The following KCNH4 variants were observed in gnomAD, a reference collection of about 807,000 sequenced individuals.
KCNH4 encodes the protein potassium voltage-gated channel subfamily H member 4.
In KCNH4, 33 loss-of-function variants were observed where a neutral mutation model predicts 90.7. The observed-to-expected ratio is 0.36, with a 90% CI of 0.28 to 0.49. KCNH4 has a LOEUF of 0.49. KCNH4 is among the 20% of genes least tolerant of loss of function. The probability of loss-of-function intolerance (pLI) is 0.98; values close to 1 mark genes in which losing one functional copy is unlikely to be tolerated. For missense variants in KCNH4, 1,044 were observed against 1,387.1 expected, an observed-to-expected ratio of 0.75 and a Z score of 3.93; for synonymous variants, 551 against 581.7, an observed-to-expected ratio of 0.95 and a Z score of 0.76.
intron 16 of KCNH4, among the ~76,000 whole-genome samples, chr17:42,158,692 G>A (rs560046450): frequency 7.2e-4 from 108 of 150,492 alleles, no homozygotes; most frequent in Non-Finnish European, 1.1e-3. Flanking sequence ...AAAATTAGCC[G>A]GGTGTGGTGG....
At chr17:42,164,078 A>C in intron 12 of KCNH4, 52 bp downstream of exon 12, 1 of 1,538,676 alleles carries the variant, frequency 6.5e-7, no homozygotes, top group Non-Finnish European at 8.8e-7. Flanking sequence ...GCTGCTACCC[A>C]TCTCACCCTC....
chr17:42,164,315 C>A, intron 11 of KCNH4, 147 bp from the exon 12 acceptor site: 1 of 684,002 alleles, frequency 1.5e-6, no homozygotes, highest in Non-Finnish European at 2.4e-6. Flanking sequence ...CTAACTCAAA[C>A]AAACACTGCA....
Position 42,178,146 on chromosome 17 carries a change from G to A in KCNH4, c.539C>T (p.Thr180Ile). 6.2e-7 allele frequency: 1 copy of A among 1,614,194 alleles called. No homozygotes were observed. Among genetic ancestry groups the A allele is most frequent in the Non-Finnish European group, 8.5e-7 (1 of 1,180,024 alleles). The change falls in exon 4 of 17, where the codon ACC becomes ATC. Residue 180 changes from threonine to isoleucine, a missense_variant. By Grantham distance (89) the Thr-to-Ile change is moderately conservative. Around this residue, in one of 4 missense-constraint regions of KCNH4, gnomAD observed 283 missense variants for 378.6 expected, o/e 0.75. Coordinates refer to ENST00000264661, the MANE Select transcript of KCNH4 (RefSeq NM_012285.3). ...CTGGCCCCGGCGGCCAAAGTGGCCG[G>A]TCAGTCGGTGTAGGACAGTACGGCT... ...RRSRTVLHRL[T>I]GHFGRRGQGG... is the part of the protein sequence containing the mutation.
chr17:42,167,391 C>T (rs1310107888), intron 9 of KCNH4, among the ~76,000 whole-genome samples: 1 of 152,140 alleles, frequency 6.6e-6, no homozygotes, highest in Non-Finnish European at 1.5e-5. Flanking sequence ...CTCAGCCTCC[C>T]GAGTAGGTGG....
At chr17:42,179,135 C>G in intron 1 of KCNH4, 109 bp from the exon 2 acceptor site, 1 of 726,518 alleles carries the variant, frequency 1.4e-6, no homozygotes. Context: ...CCAGAAGCTT[C>G]CCAGGTTTCC....
In KCNH4 at chr17:42,171,967, A is replaced by G. The variant is rs2079830510; in HGVS notation, c.1016T>C (p.Val339Ala). Residue 339 changes from valine (V) to alanine (A), a missense_variant, in exon 7 of 17, where the codon GTG becomes GCG. Val to Ala is a moderately conservative substitution (Grantham distance 64, BLOSUM62 0). Around this residue, in one of 4 missense-constraint regions of KCNH4, gnomAD observed 318 missense variants for 479.6 expected, o/e 0.66. Coordinates refer to ENST00000264661, the MANE Select transcript of KCNH4 (RefSeq NM_012285.3). ...CAGCCGCAGCAGCCGCAACAGCCGC[A>G]CTGTCTTCAGTAGGTGCACCAGCGA... ...VTSLVHLLKT[V>A]RLLRLLRLLQ... 6.2e-7 allele frequency: 1 copy of G among 1,609,316 alleles called. No individual in the cohort carries two copies.
intron 16 of KCNH4, among the ~76,000 whole-genome samples, chr17:42,157,554 C>G (rs1004157601): frequency 5.9e-5 from 9 of 152,190 alleles, no homozygotes; most frequent in African/African-American, 2.2e-4. Flanking sequence ...CAGCTGATTG[C>G]CAGTTATTGC....
chr17:42,160,464 A>G (rs780166365), intron 15 of KCNH4, 29 bp from the exon 16 acceptor site: 2 of 1,549,972 alleles, frequency 1.3e-6, no homozygotes, highest in Middle Eastern at 1.7e-4. Flanking sequence ...GTTGTTTCAC[A>G]GGTGCCACAG....
chr17:42,167,126 T>C (rs1347490866), intron 9 of KCNH4, among the ~76,000 whole-genome samples: 3 of 152,060 alleles, frequency 2.0e-5, no homozygotes, highest in African/African-American at 7.2e-5. Context: ...GCTTACTTCC[T>C]CATTTCCTCT....
Position 42,178,116 on chromosome 17 carries a change from C to T in KCNH4, c.569G>A (p.Gly190Asp), listed in dbSNP as rs768120773. ...GGGACTCACATTATTGGCCTTCATG[C>T]CTCCCTGGCCCCGGCGGCCAAAGTG... is the stretch of plus-strand genomic sequence containing the variant. ...TGHFGRRGQG[G>D]MKANNNVFEP... is the part of the protein sequence containing the mutation. The change falls in exon 4 of 17, where the codon GGC (glycine) becomes GAC (aspartate). Residue 190 changes from glycine (G) to aspartate (D), a missense_variant. By Grantham distance (94) the Gly-to-Asp change is moderately conservative (BLOSUM62 -1). Transcript: ENST00000264661. The T allele has an allele frequency of 1.2e-6, 2 of 1,613,940 alleles. No homozygotes were observed. The highest frequency in any genetic ancestry group is 4.5e-5 in the East Asian group (2 of 44,880).
At position 42,170,168 on chromosome 17, in the gene KCNH4, G is replaced by A; in HGVS notation, c.1329C>T (p.Gly443=). 1 of 1,613,646 alleles carries A rather than the reference G, an allele frequency of 6.2e-7. No individual in the cohort carries two copies. The highest frequency in any genetic ancestry group is 8.5e-7 in the Non-Finnish European group (1 of 1,179,974). ...CCGCGTCGGTGTTGGCACACACGTT[G>A]CCAAAGCCCACACTGGTGAGGCTGC... ...TLSSLTSVGF[G]NVCANTDAEK... Residue 443 remains glycine, a synonymous_variant, in exon 8 of 17, where the codon GGC becomes GGT. Coordinates refer to ENST00000264661, the MANE Select transcript of KCNH4 (RefSeq NM_012285.3).
chr17:42,177,493 C>T (rs2079870571), intron 4 of KCNH4, among the ~76,000 whole-genome samples: 1 of 152,174 alleles, frequency 6.6e-6, no homozygotes, highest in African/African-American at 2.4e-5. Flanking sequence ...GCCACTGTGC[C>T]TGGCCCAACA....
rs573694474 is a variant in KCNH4 at position 42,158,485 on chromosome 17, T to C, written c.*309+1246A>G. On this transcript the variant is annotated intron_variant, in intron 16 of 16. Transcript: ENST00000264661. ...GGCGGAGTTTGCAGTGAGCCGAGAT[T>C]GCACCACTGCACTCCAGCCTGGGCG... Among the ~76,000 whole-genome samples the C allele has an allele frequency of 3.8e-3, 566 of 147,264 alleles. 6 individuals carry two copies. Among genetic ancestry groups the C allele is most frequent in the African/African-American group, 0.013 (534 of 39,762 alleles).
At chr17:42,165,745 A>G in intron 10 of KCNH4, 52 bp from the exon 11 acceptor site, 2 of 1,607,808 alleles carry the variant, frequency 1.2e-6, no homozygotes, top group Non-Finnish European at 1.7e-6. Flanking sequence ...ACGAAAGGAT[A>G]TCAGCTGGAG....
intron 10 of KCNH4, 147 bp downstream of exon 10, chr17:42,166,150 A>T: frequency 1.0e-6 from 1 of 998,400 alleles, no homozygotes; most frequent in Non-Finnish European, 1.4e-6. Context: ...CGTAGGGCGG[A>T]GGGACCGAGA....
chr17:42,162,861 G>A lies in KCNH4; in HGVS notation c.2584+367C>T, dbSNP rs1019302042. Among the ~76,000 whole-genome samples, 12 of 152,196 alleles carry A rather than the reference G, an allele frequency of 7.9e-5. No homozygotes were observed. In the East Asian group the frequency reaches 1.7e-3, roughly 22 times the overall value. On this transcript the variant is annotated intron_variant, in intron 14 of 16. Coordinates refer to ENST00000264661, the MANE Select transcript of KCNH4 (RefSeq NM_012285.3). ...ACCCTCATCAGCCTCCCAAAGTACT[G>A]GGATTACAGGCATGAACCACCATGC... is the stretch of plus-strand genomic sequence containing the variant.
At chr17:42,172,607 C>A (rs1213983278) in intron 6 of KCNH4, among the ~76,000 whole-genome samples, 8 of 150,076 alleles carry the variant, frequency 5.3e-5, no homozygotes, top group Non-Finnish European at 1.2e-4. Flanking sequence ...CAATTATCAT[C>A]ATTCCTAATT....
intron 12 of KCNH4, 81 bp downstream of exon 12, chr17:42,164,049 C>A: frequency 6.6e-7 from 1 of 1,518,654 alleles, no homozygotes; most frequent in Non-Finnish European, 8.9e-7. Context: ...TGCAGCTCCC[C>A]ATCCATGGAA....
intron 10 of KCNH4, among the ~76,000 whole-genome samples, chr17:42,165,950 A>G (rs2079784208): frequency 1.3e-5 from 2 of 152,130 alleles, no homozygotes; most frequent in Non-Finnish European, 2.9e-5. Context: ...AAAAATCACA[A>G]TGGCCGGAGG....
Sources: allele counts gnomAD v4.1 joint callset (sites outside exome capture counted in the v4.1 genomes callset), GRCh38; gene constraint gnomAD v4.1.1; regional missense constraint gnomAD v4.1.1; transcripts MANE v1.5; gene names NCBI Gene and HGNC (gene_info 2026-07-23, HGNC 2026-07-21).